Variants in RBFOX1 observed in about 807,000 individuals in gnomAD.
The protein encoded by RBFOX1 is RNA binding protein fox-1 homolog 1.
A neutral mutation model predicts 57.7 loss-of-function variants in RBFOX1; 8 were observed. That is an observed-to-expected ratio of 0.14 (90% CI 0.08 to 0.25). The LOEUF is 0.25. Ranked by LOEUF, RBFOX1 falls within the 10% of genes least tolerant of loss-of-function variation. RBFOX1 has a pLI of 1.00. For synonymous variants in RBFOX1, 326 were observed against 222.4 expected, an observed-to-expected ratio of 1.47 and a Z score of -4.15; for missense variants, 611 against 548.5, an observed-to-expected ratio of 1.11 and a Z score of -1.14.
At chr16:7,399,260 C>A (rs199904649) in intron 4 of RBFOX1, among the ~76,000 whole-genome samples, 1 of 152,082 alleles carries the variant, frequency 6.6e-6, no homozygotes, top group Non-Finnish European at 1.5e-5. Context: ...CCAGCTTGAC[C>A]AACACGGAGA....
At chr16:7,113,283 A>C (rs549174280) in intron 4 of RBFOX1, among the ~76,000 whole-genome samples, 1 of 152,298 alleles carries the variant, frequency 6.6e-6, no homozygotes, top group South Asian at 2.1e-4. Flanking sequence ...TTTGGGTAAG[A>C]GTAATGCTCT....
intron 10 of RBFOX1, among the ~76,000 whole-genome samples, chr16:7,612,178 G>A (rs11640510): frequency 0.39 from 59,280 of 150,904 alleles, 13,534 homozygotes; most frequent in Non-Finnish European, 0.5. Context: ...AAAATTAGCC[G>A]GGCGTGGTGG....
At chr16:6,500,896 T>TTTTGTTTGTTTGTTTG (rs2095896466) in intron 2 of RBFOX1, among the ~76,000 whole-genome samples, 81 of 142,374 alleles carry the variant, frequency 5.7e-4, no homozygotes, top group South Asian at 2.0e-3. Context: ...TTTTTTTTTT[T>TTTTGTTTGTTTGTTTG]TTTTTAATGC....
chr16:6,436,623 C>G (rs1307434019), intron 2 of RBFOX1, among the ~76,000 whole-genome samples: 1 of 148,348 alleles, frequency 6.7e-6, no homozygotes, highest in Non-Finnish European at 1.5e-5. Flanking sequence ...AGTTTCTTCT[C>G]AACACTTACT....
intron 2 of RBFOX1, among the ~76,000 whole-genome samples, chr16:6,612,653 A>G (rs1302398379): frequency 1.3e-5 from 2 of 151,940 alleles, no homozygotes; most frequent in Non-Finnish European, 2.9e-5. Flanking sequence ...GGAGTTCAAG[A>G]TCAGCCTGGC....
At chr16:5,250,772 G>A (rs1239398626) in intron 1 of RBFOX1, among the ~76,000 whole-genome samples, 3 of 152,146 alleles carry the variant, frequency 2.0e-5, no homozygotes, top group African/African-American at 7.2e-5. Flanking sequence ...AACCAGCCCT[G>A]CACCGATACG....
intron 1 of RBFOX1, among the ~76,000 whole-genome samples, chr16:6,138,831 C>T (rs2096688900): frequency 6.6e-6 from 1 of 152,168 alleles, no homozygotes; most frequent in Admixed American, 6.5e-5. Flanking sequence ...TGCGCCGCTG[C>T]ACTCCAGCCT....
intron 4 of RBFOX1, among the ~76,000 whole-genome samples, chr16:5,871,986 C>G (rs1417314488): frequency 1.3e-5 from 2 of 152,146 alleles, no homozygotes; most frequent in Non-Finnish European, 2.9e-5. Context: ...GAATCTCCCT[C>G]CTACCATTAT....
intron 4 of RBFOX1, among the ~76,000 whole-genome samples, chr16:7,422,104 G>T (rs1312589658): frequency 6.6e-5 from 10 of 152,166 alleles, no homozygotes; most frequent in Non-Finnish European, 1.5e-5. Flanking sequence ...AGTTGGCTTT[G>T]GTCGAGCCTG....
intron 4 of RBFOX1, among the ~76,000 whole-genome samples, chr16:7,075,484 GA>G (rs1279530127): frequency 4.6e-5 from 7 of 152,238 alleles, no homozygotes; most frequent in South Asian, 4.2e-4. Flanking sequence ...GAAATATCTA[GA>G]TTTTTTTTGG....
chr16:6,247,711 A>G (rs972083998), intron 1 of RBFOX1, among the ~76,000 whole-genome samples: 2 of 152,216 alleles, frequency 1.3e-5, no homozygotes, highest in Non-Finnish European at 2.9e-5. Context: ...AAAACTTGTC[A>G]AAGCTAGGAT....
chr16:6,161,532 T>C (rs2096879295), intron 1 of RBFOX1, among the ~76,000 whole-genome samples: 1 of 152,118 alleles, frequency 6.6e-6, no homozygotes, highest in South Asian at 2.1e-4. Flanking sequence ...CCTCATAGAA[T>C]TTAACATCCG....
chr16:5,952,296 G>A (rs563799993), intron 4 of RBFOX1, among the ~76,000 whole-genome samples: 4 of 151,920 alleles, frequency 2.6e-5, no homozygotes, highest in South Asian at 4.2e-4. Context: ...GATTACAGGC[G>A]TGCGCCACCA....
At chr16:6,782,378 C>T (rs1485912692) in intron 3 of RBFOX1, among the ~76,000 whole-genome samples, 3 of 152,068 alleles carry the variant, frequency 2.0e-5, no homozygotes, top group Non-Finnish European at 4.4e-5. Flanking sequence ...TACTAAATTT[C>T]CTTCTTAAAT....
chr16:6,831,909 G>A (rs554183973), intron 3 of RBFOX1, among the ~76,000 whole-genome samples: 7 of 152,260 alleles, frequency 4.6e-5, no homozygotes, highest in Non-Finnish European at 1.0e-4. Flanking sequence ...TACTTCTGAC[G>A]AAGAACTTAC....
chr16:6,848,124 T>C (rs569377423), intron 3 of RBFOX1, among the ~76,000 whole-genome samples: 3 of 152,194 alleles, frequency 2.0e-5, no homozygotes, highest in African/African-American at 7.2e-5. Context: ...TGAGTCATTG[T>C]GCCCGATCCA....
intron 4 of RBFOX1, among the ~76,000 whole-genome samples, chr16:7,363,170 G>A (rs1332644256): frequency 1.3e-5 from 2 of 152,146 alleles, no homozygotes; most frequent in Non-Finnish European, 2.9e-5. Flanking sequence ...GGCTTTGGGA[G>A]AGACAGAACT....
At chr16:5,354,408 C>T (rs906393910) in intron 1 of RBFOX1, among the ~76,000 whole-genome samples, 2 of 152,140 alleles carry the variant, frequency 1.3e-5, no homozygotes, top group Non-Finnish European at 2.9e-5. Flanking sequence ...CACTTATGGG[C>T]CATGTGACCT....
At chr16:6,134,337 C>A (rs1405166183) in intron 1 of RBFOX1, among the ~76,000 whole-genome samples, 2 of 152,200 alleles carry the variant, frequency 1.3e-5, no homozygotes, top group Non-Finnish European at 2.9e-5. Context: ...GGTCTGCAAG[C>A]ACAAAAGAGG....
Sources: allele counts gnomAD v4.1 joint callset (sites outside exome capture counted in the v4.1 genomes callset), GRCh38; gene constraint gnomAD v4.1.1; transcripts MANE v1.5; gene names NCBI Gene and HGNC (gene_info 2026-07-23, HGNC 2026-07-21).